SH2B1: variants seen among roughly 807,000 people sequenced by gnomAD.
SH2B1 encodes SH2B adaptor protein 1, also known as SH2B adapter protein 1.
SH2B1 carries 15 observed loss-of-function variants against 62.6 expected under a neutral mutation model. That is an observed-to-expected ratio of 0.24 (90% CI 0.16 to 0.37). The LOEUF is 0.37. Among genes scored for constraint, SH2B1 ranks in the 10% least tolerant of loss-of-function variants. The pLI is 1.00. For synonymous variants in SH2B1, 443 were observed against 438.0 expected (o/e 1.01, Z -0.14); for missense variants, 925 against 1,015.6 (o/e 0.91, Z 1.21).
chr16:28,873,619 A>AGAGCTGGTCCCCGTGGTT lies in SH2B1; in HGVS notation c.2091_2108dup (p.Val699_Leu704dup), dbSNP rs775851341. On this transcript the variant is annotated inframe_insertion, in exon 8 of 8. Coordinates refer to ENST00000684370, the MANE Select transcript of SH2B1 (RefSeq NM_001387430.1). The surrounding 1 kb of genome is among the most constrained non-coding windows in gnomAD (Gnocchi z 4.2). Reference sequence around the variant, plus strand: ...AAGCGGGCGGTGGAGGGGTCCCGGAAGAGCTGGTCCCCGTGGTTGAGCTGG... The same window carrying AGAGCTGGTCCCCGTGGTT: ...AAGCGGGCGGTGGAGGGGTCCCGGAAGAGCTGGTCCCCGTGGTTGAGCTGGTCCCCGTGGTTGAGCTGG... 19 of 1,545,710 alleles carry AGAGCTGGTCCCCGTGGTT rather than the reference A, an allele frequency of 1.2e-5. No homozygotes were observed. Among genetic ancestry groups the AGAGCTGGTCCCCGTGGTT allele is most frequent in the Admixed American group, 1.0e-4 (5 of 49,378 alleles).
rs1962607952 is a variant in SH2B1, at chr16:28,865,005, C to G, written c.-1090C>G. Reference sequence around the variant, plus strand: ...GGAATTTGTTCAAGATAACATCGCTCATAAGGTGGCTGGACTGGGTGCTCA... The same window carrying G: ...GGAATTTGTTCAAGATAACATCGCTGATAAGGTGGCTGGACTGGGTGCTCA... On this transcript the variant is annotated 5_prime_UTR_variant, in exon 1 of 8. Coordinates refer to ENST00000684370, the MANE Select transcript of SH2B1 (RefSeq NM_001387430.1). 1 of 739,964 alleles carries G rather than the reference C, an allele frequency of 1.4e-6. No homozygotes were observed. The highest frequency in any genetic ancestry group is 1.7e-6 in the Non-Finnish European group (1 of 606,024). 45.8% of individuals were successfully genotyped at this position (739,964 alleles called of 1,614,324 possible).
At position 28,872,115 on chromosome 16, in the gene SH2B1, G is replaced by A; in HGVS notation, c.1514-75G>A. 6.7e-7 allele frequency: 1 copy of A among 1,482,162 alleles called. No homozygotes were observed. 91.8% of individuals were successfully genotyped at this position (1,482,162 alleles called of 1,614,324 possible). Reference sequence around the variant, plus strand: ...TGGGGAGCAGGCGCCTTGAGGGGAAGGCAAGGCTTTTTTCTCCCAGGATGG... The same window carrying A: ...TGGGGAGCAGGCGCCTTGAGGGGAAAGCAAGGCTTTTTTCTCCCAGGATGG... On this transcript the variant is annotated intron_variant, in intron 5 of 7. Coordinates refer to ENST00000684370, the MANE Select transcript of SH2B1 (RefSeq NM_001387430.1). The surrounding 1 kb of genome is among the most constrained non-coding windows in gnomAD (Gnocchi z 5.3).
chr16:28,873,698 G>T lies in SH2B1; in HGVS notation c.2149G>T (p.Ala717Ser), dbSNP rs775937151. 6 of 1,513,796 alleles carry T rather than the reference G, an allele frequency of 4.0e-6. No homozygotes were observed. The highest frequency in any genetic ancestry group is 2.5e-5 in the East Asian group (1 of 40,472). 93.8% of individuals were successfully genotyped at this position (1,513,796 alleles called of 1,614,324 possible). ...AIAPGSEAQG[A>S]GSGGDAGVPP... ...AGCCCCAGGCTCAGAGGCCCAGGGCGCTGGGTCTGGTGGGGACGCGGGGGT... is the reference window on the plus strand; with the variant it reads ...AGCCCCAGGCTCAGAGGCCCAGGGCTCTGGGTCTGGTGGGGACGCGGGGGT... Residue 717 changes from alanine (A) to serine (S), a missense_variant, in exon 8 of 8, where the codon GCT (alanine) becomes TCT (serine). Transcript: ENST00000684370. This position sits in a 1 kb window ranked among gnomAD's most constrained non-coding sequence, Gnocchi z 4.2.
intron 1 of SH2B1, among the ~76,000 whole-genome samples, chr16:28,853,069 CATATATATTT>C (rs1264893884): frequency 7.2e-5 from 7 of 96,848 alleles, no homozygotes; most frequent in African/African-American, 3.0e-4. Context: ...TATATATGTA[CATATATATTT>C]ATATATATTT....
chr16:28,849,323 C>T (rs910002400), intron 1 of SH2B1, among the ~76,000 whole-genome samples: 6 of 152,018 alleles, frequency 3.9e-5, no homozygotes, highest in Admixed American at 2.0e-4. Context: ...CTCCCAATAC[C>T]GGGGCCCAAG....
Position 28,852,272 on chromosome 16 carries a change from T to A in SH2B1, c.-301+5445T>A, listed in dbSNP as rs1366149253. 4.9e-5 allele frequency among the ~76,000 whole-genome samples: 4 copies of A among 81,534 alleles called. No individual in the cohort carries two copies. In the East Asian group the frequency reaches 9.2e-4, roughly 19 times the overall value. 53.5% of individuals were successfully genotyped at this position (81,534 alleles called of 152,430 possible). A position where few individuals can be genotyped will look rare whatever the true frequency, so the allele number is the denominator to read the frequency against. On this transcript the variant is annotated intron_variant, in intron 1 of 10. Transcript: ENST00000322610. ...CATATATATATTTACATATATATAT[T>A]TACATATATATATTTACATATATAT...
chr16:28,858,587 T>C (rs558369916), intron 1 of SH2B1, among the ~76,000 whole-genome samples: 6 of 152,006 alleles, frequency 3.9e-5, no homozygotes, highest in Non-Finnish European at 8.8e-5. Flanking sequence ...AAATTCCAAG[T>C]GTTTTGGAAG....
intron 1 of SH2B1, among the ~76,000 whole-genome samples, chr16:28,856,792 T>C (rs900924490): frequency 3.3e-5 from 5 of 152,144 alleles, no homozygotes; most frequent in Admixed American, 1.3e-4. Context: ...TACATCGCCA[T>C]AGCCAGGCCA....
chr16:28,848,283 A>G (rs1181519361), intron 1 of SH2B1, among the ~76,000 whole-genome samples: 1 of 152,012 alleles, frequency 6.6e-6, no homozygotes, highest in African/African-American at 2.4e-5. Flanking sequence ...ACTAAAATAC[A>G]AAAAATTAGC....
At chr16:28,850,611 G>A (rs1300617327) in intron 1 of SH2B1, among the ~76,000 whole-genome samples, 2 of 151,982 alleles carry the variant, frequency 1.3e-5, no homozygotes, top group Admixed American at 1.3e-4. Context: ...TGTAATCCCA[G>A]AACTTTGGGA....
At position 28,866,666 on chromosome 16, in the gene SH2B1, C is replaced by T; in HGVS notation, c.572C>T (p.Pro191Leu). The change falls in exon 1 of 8, where the codon CCC becomes CTC. Residue 191 changes from proline (P) to leucine (L), a missense_variant. This residue lies in a region of SH2B1 where 683 missense variants were observed against 704.0 expected (regional missense o/e 0.97). Transcript: ENST00000684370. The surrounding 1 kb of genome is among the most constrained non-coding windows in gnomAD (Gnocchi z 6.3). ...SAGPLETSSG[P>L]PVLGGNSNSN... The stretch of plus-strand genomic sequence containing the variant: ...GGGCCCCTGGAGACCTCGTCAGGCC[C>T]CCCAGTCTTAGGTGGAAACAGCAAC... The T allele has an allele frequency of 6.2e-7, 1 of 1,609,768 alleles. No homozygotes were observed. Among genetic ancestry groups the T allele is most frequent in the Non-Finnish European group, 8.5e-7 (1 of 1,177,632 alleles).
chr16:28,865,557 T>C lies in SH2B1; in HGVS notation c.-538T>C. ...AGTGGGGAAAACAGTAGACTTGGAGTTCTGAAACTTTTCTGAGCTTCGGTT... is the reference window on the plus strand; with the variant it reads ...AGTGGGGAAAACAGTAGACTTGGAGCTCTGAAACTTTTCTGAGCTTCGGTT... On this transcript the variant is annotated 5_prime_UTR_variant, in exon 1 of 8. Coordinates refer to ENST00000684370, the MANE Select transcript of SH2B1 (RefSeq NM_001387430.1). 6 of 985,252 alleles carry C rather than the reference T, an allele frequency of 6.1e-6. No homozygotes were observed. The highest frequency in any genetic ancestry group is 7.2e-6 in the Non-Finnish European group (6 of 829,904). 61.0% of individuals were successfully genotyped at this position (985,252 alleles called of 1,614,324 possible).
At chr16:28,869,933 TA>T (rs1962940737) in intron 4 of SH2B1, among the ~76,000 whole-genome samples, 1 of 152,232 alleles carries the variant, frequency 6.6e-6, no homozygotes, top group Non-Finnish European at 1.5e-5. Flanking sequence ...GCACAGTGCC[TA>T]GCACACAGGC....
In SH2B1 at chr16:28,866,110, T is replaced by C. The variant is rs1401942551; in HGVS notation, c.16T>C (p.Ser6Pro). MNGAPSPEDGASPSSP... is the reference protein window; with the variant it reads MNGAPPPEDGASPSSP... ...GGGGCCCATCATGAATGGTGCCCCT[T>C]CCCCAGAGGACGGGGCCTCCCCCTC... Residue 6 changes from serine to proline, a missense_variant, in exon 1 of 8, where the codon TCC becomes CCC. Ser to Pro is a moderately conservative substitution (Grantham distance 74). Transcript: ENST00000684370. The surrounding 1 kb of genome is among the most constrained non-coding windows in gnomAD (Gnocchi z 6.3). The C allele has an allele frequency of 6.3e-7, 1 of 1,578,108 alleles. No individual in the cohort carries two copies.
chr16:28,866,594 G>A lies in SH2B1; in HGVS notation c.500G>A (p.Arg167His), dbSNP rs1037748087. 3.7e-5 allele frequency: 59 copies of A among 1,613,904 alleles called. No homozygotes were observed. Among genetic ancestry groups the A allele is most frequent in the Non-Finnish European group, 4.9e-5 (58 of 1,180,018 alleles). Residue 167 changes from arginine to histidine, a missense_variant, in exon 1 of 8, where the codon CGT (arginine) becomes CAT (histidine). Around this residue, in one of 3 missense-constraint regions of SH2B1, gnomAD observed 683 missense variants for 704.0 expected, o/e 0.97. Coordinates refer to ENST00000684370, the MANE Select transcript of SH2B1 (RefSeq NM_001387430.1). The surrounding 1 kb of genome is among the most constrained non-coding windows in gnomAD (Gnocchi z 6.3). ...SVGRSVRGSV[R>H]GILQWRGTVD... is the part of the protein sequence containing the mutation. ...GGTCGCTCTGTCCGAGGCTCAGTCC[G>A]TGGCATCCTGCAGTGGCGGGGGACC...
In SH2B1 at chr16:28,863,975, A is replaced by G; in HGVS notation, c.-2120A>G. ...GACCGGAACCGGAACCCCCCTCTTC[A>G]AGTACCTTTTCCCTCTCCGCGACCC... On this transcript the variant is annotated 5_prime_UTR_variant, in exon 1 of 8. Coordinates refer to ENST00000684370, the MANE Select transcript of SH2B1 (RefSeq NM_001387430.1). 1 of 1,433,944 alleles carries G rather than the reference A, an allele frequency of 7.0e-7. No homozygotes were observed. The highest frequency in any genetic ancestry group is 9.1e-7 in the Non-Finnish European group (1 of 1,099,058). The allele number at this position is 1,433,944 out of a possible 1,614,324, so 88.8% of individuals were successfully genotyped here. A position where few individuals can be genotyped will look rare whatever the true frequency, so the allele number is the denominator to read the frequency against.
chr16:28,851,610 C>T (rs981200592), intron 1 of SH2B1, among the ~76,000 whole-genome samples: 2 of 151,320 alleles, frequency 1.3e-5, no homozygotes, highest in African/African-American at 2.4e-5. Context: ...TTCCAGGCGC[C>T]TGCCACCACG....
chr16:28,868,301 G>A (rs570745928), intron 2 of SH2B1, among the ~76,000 whole-genome samples: 14 of 151,790 alleles, frequency 9.2e-5, no homozygotes, highest in East Asian at 1.9e-4. Context: ...CACCACGCCC[G>A]GATAATTTTT....
chr16:28,863,984 T>C lies in SH2B1; in HGVS notation c.-2111T>C. The stretch of plus-strand genomic sequence containing the variant: ...CGGAACCCCCCTCTTCAAGTACCTT[T>C]TCCCTCTCCGCGACCCGGCCCTGGC... On this transcript the variant is annotated 5_prime_UTR_variant, in exon 1 of 8. Transcript: ENST00000684370. The C allele has an allele frequency of 1.4e-6, 2 of 1,416,266 alleles. No homozygotes were observed. Among genetic ancestry groups the C allele is most frequent in the Admixed American group, 2.9e-5 (1 of 34,258 alleles). 87.7% of individuals were successfully genotyped at this position (1,416,266 alleles called of 1,614,324 possible).
Sources: gnomAD v4.1 joint callset for allele counts (sites outside exome capture counted in the v4.1 genomes callset) on GRCh38, gnomAD v4.1.1 for gene constraint, gnomAD v4.1.1 regional missense constraint, Gnocchi (gnomAD v3.1) non-coding constraint, MANE v1.5 for transcripts, NCBI Gene and HGNC (gene_info 2026-07-23, HGNC 2026-07-21) for gene names.